The following MRPS23 variants were observed in gnomAD, a reference collection of about 807,000 sequenced individuals.
MRPS23 encodes the protein small ribosomal subunit protein mS23.
MRPS23 carries 14 observed loss-of-function variants against 19.8 expected under a neutral mutation model. The observed-to-expected ratio is 0.71, with a 90% CI of 0.47 to 1.11. The LOEUF (loss-of-function observed/expected upper bound fraction) is 1.11. MRPS23 is among the 50% of genes least tolerant of loss of function. The pLI, the probability that MRPS23 is intolerant of heterozygous loss-of-function variation, is 0.00. For missense variants in MRPS23, 242 were observed against 236.7 expected (o/e 1.02, Z -0.15); for synonymous variants, 113 against 89.7 (o/e 1.26, Z -1.47).
At chr17:57,845,694 A>T (rs1190836549) in intron 2 of MRPS23, among the ~76,000 whole-genome samples, 1 of 152,192 alleles carries the variant, frequency 6.6e-6, no homozygotes, top group African/African-American at 2.4e-5. Flanking sequence ...TCAGAAAACT[A>T]ATAAAATTCT....
At chr17:57,848,270 A>G (rs1299242500) in intron 2 of MRPS23, among the ~76,000 whole-genome samples, 1 of 152,126 alleles carries the variant, frequency 6.6e-6, no homozygotes, top group Non-Finnish European at 1.5e-5. Flanking sequence ...TTCTACAAGT[A>G]GCATGTGTTG....
At chr17:57,846,985 T>A (rs1317184423) in intron 2 of MRPS23, among the ~76,000 whole-genome samples, 1 of 149,968 alleles carries the variant, frequency 6.7e-6, no homozygotes, top group African/African-American at 2.4e-5. Flanking sequence ...AATAGAGAAC[T>A]TTAAAGATAT....
chr17:57,849,877 G>A (rs1642235526), intron 1 of MRPS23, 90 bp downstream of exon 1: 2 of 1,469,216 alleles, frequency 1.4e-6, no homozygotes, highest in African/African-American at 2.8e-5. Flanking sequence ...GCCTCGCCCT[G>A]CTCAGGTCCG....
intron 2 of MRPS23, among the ~76,000 whole-genome samples, chr17:57,846,363 C>G (rs570967696): frequency 1.6e-3 from 239 of 152,146 alleles, no homozygotes; most frequent in Non-Finnish European, 2.5e-3. Flanking sequence ...CCGGCCGCCC[C>G]GTCTGGGAAG....
At chr17:57,848,440 TCTCGG>T (rs2073790435) in intron 2 of MRPS23, among the ~76,000 whole-genome samples, 1 of 151,726 alleles carries the variant, frequency 6.6e-6, no homozygotes, top group Admixed American at 6.6e-5. Flanking sequence ...AGTGGTGGGA[TCTCGG>T]CTCACTGCAA....
rs922078514 is a variant in MRPS23, at chr17:57,838,908, T to C, written c.*875A>G. 6.6e-6 allele frequency: 1 copy of C among 152,230 alleles called. No homozygotes were observed. Among genetic ancestry groups the C allele is most frequent in the African/African-American group, 2.4e-5 (1 of 41,462 alleles). 9.4% of individuals were successfully genotyped at this position (152,230 alleles called of 1,614,324 possible). Reference sequence around the variant, plus strand: ...GCTAAAAACCACTGGCTTGACCACATATACAAAGGCTGCAATCTCAGAGGG... The same window carrying C: ...GCTAAAAACCACTGGCTTGACCACACATACAAAGGCTGCAATCTCAGAGGG... On this transcript the variant is annotated 3_prime_UTR_variant, in exon 5 of 5. Coordinates refer to ENST00000313608, the MANE Select transcript of MRPS23 (RefSeq NM_016070.4).
rs1157632022 is a variant in MRPS23, at chr17:57,838,839, T to A, written c.*944A>T. The stretch of plus-strand genomic sequence containing the variant: ...AGAATCACTGGGTAGAAAATCTACA[T>A]GAGTTTTAAAATAGGGAATTTCTGA... On this transcript the variant is annotated 3_prime_UTR_variant, in exon 5 of 5. Transcript: ENST00000313608. 6.6e-6 allele frequency: 1 copy of A among 152,264 alleles called. No individual in the cohort carries two copies. Among genetic ancestry groups the A allele is most frequent in the East Asian group, 1.9e-4 (1 of 5,202 alleles). 9.4% of individuals were successfully genotyped at this position (152,264 alleles called of 1,614,324 possible). A position where few individuals can be genotyped will look rare whatever the true frequency, so the allele number is the denominator to read the frequency against.
rs2073720753 is a variant in MRPS23 at position 57,838,446 on chromosome 17, G to A, written c.*1337C>T. 1 of 151,860 alleles carries A rather than the reference G, an allele frequency of 6.6e-6. No homozygotes were observed. The highest frequency in any genetic ancestry group is 1.5e-5 in the Non-Finnish European group (1 of 67,976). 9.4% of individuals were successfully genotyped at this position (151,860 alleles called of 1,614,324 possible). On this transcript the variant is annotated 3_prime_UTR_variant, in exon 5 of 5. Transcript: ENST00000313608. ...AAAAAAACCTGCCCTTAAAAAACCA[G>A]AAACCTAAGGTTTAAAGAGATGAGT...
rs1010567772 is a variant in MRPS23 at position 57,835,620 on chromosome 17, G to A, written c.*4163C>T. The A allele has an allele frequency of 4.6e-5, 7 of 152,296 alleles. No individual in the cohort carries two copies. The highest frequency in any genetic ancestry group is 7.3e-5 in the Non-Finnish European group (5 of 68,040). The allele number at this position is 152,296 out of a possible 1,614,324, so 9.4% of individuals were successfully genotyped here. ...GGCTTTTCCACTACTGCTCAAAATA[G>A]TAATAAAACCACCAGCCACACATTA... is the stretch of plus-strand genomic sequence containing the variant. On this transcript the variant is annotated 3_prime_UTR_variant, in exon 5 of 5. Coordinates refer to ENST00000313608, the MANE Select transcript of MRPS23 (RefSeq NM_016070.4).
intron 2 of MRPS23, among the ~76,000 whole-genome samples, chr17:57,842,889 T>TACACACAC (rs1433791158): frequency 3.1e-4 from 31 of 98,432 alleles, no homozygotes; most frequent in African/African-American, 8.2e-4. Flanking sequence ...AATATATATA[T>TACACACAC]ATACACACAC....
Position 57,836,160 on chromosome 17 carries a change from G to C in MRPS23, c.*3623C>G, listed in dbSNP as rs1232110282. 6.6e-6 allele frequency: 1 copy of C among 151,940 alleles called. No individual in the cohort carries two copies. The allele number at this position is 151,940 out of a possible 1,614,324, so 9.4% of individuals were successfully genotyped here. ...AGTAGAGATGGGGTTTCATCATGTT[G>C]CCCAGGCTGGTCTCAAACTCCTGAC... On this transcript the variant is annotated 3_prime_UTR_variant, in exon 5 of 5. Transcript: ENST00000313608.
At position 57,837,938 on chromosome 17, in the gene MRPS23, T is replaced by C. The variant is rs1047500082; in HGVS notation, c.*1845A>G. ...AAGACTGCGGCAGGGTATGCACCACTGCACCCAGCCTGGGTAACACAGTGA... is the reference window on the plus strand; with the variant it reads ...AAGACTGCGGCAGGGTATGCACCACCGCACCCAGCCTGGGTAACACAGTGA... On this transcript the variant is annotated 3_prime_UTR_variant, in exon 5 of 5. Transcript: ENST00000313608. 1 of 151,284 alleles carries C rather than the reference T, an allele frequency of 6.6e-6. No individual in the cohort carries two copies. Among genetic ancestry groups the C allele is most frequent in the Non-Finnish European group, 1.5e-5 (1 of 67,950 alleles). The allele number at this position is 151,284 out of a possible 1,614,324, so 9.4% of individuals were successfully genotyped here.
At position 57,849,406 on chromosome 17, in the gene MRPS23, G is replaced by C. The variant is rs1181230077; in HGVS notation, c.49C>G (p.Arg17Gly). The C allele has an allele frequency of 2.5e-6, 4 of 1,613,512 alleles. No individual in the cohort carries two copies. The highest frequency in any genetic ancestry group is 2.2e-5 in the South Asian group (2 of 91,044). Residue 17 changes from arginine to glycine, a missense_variant, in exon 2 of 5, where the codon CGG becomes GGG. Arg to Gly is a moderately radical substitution (Grantham distance 125, BLOSUM62 -2). Transcript: ENST00000313608. ...ETVGSIFSRT[R>G]DLVRAGVLKE... Reference sequence around the variant, plus strand: ...AGCACCCCGGCCCGAACCAGGTCCCGAGTCCTTAGGGAGGGAACAGAACGA... The same window carrying C: ...AGCACCCCGGCCCGAACCAGGTCCCCAGTCCTTAGGGAGGGAACAGAACGA...
In MRPS23 at chr17:57,839,740, G is replaced by C. The variant is rs758638822; in HGVS notation, c.*43C>G. 42 of 1,552,404 alleles carry C rather than the reference G, an allele frequency of 2.7e-5. No homozygotes were observed. The highest frequency in any genetic ancestry group is 3.4e-5 in the Non-Finnish European group (39 of 1,130,734). ...TTAAAAATAGCTCAACATTCAGCCA[G>C]TGAGTAGAGTGTGAATGCCAGCATA... is the stretch of plus-strand genomic sequence containing the variant. On this transcript the variant is annotated 3_prime_UTR_variant, in exon 5 of 5. Coordinates refer to ENST00000313608, the MANE Select transcript of MRPS23 (RefSeq NM_016070.4).
At chr17:57,847,662 G>GAA (rs55921717) in intron 2 of MRPS23, among the ~76,000 whole-genome samples, 54 of 127,822 alleles carry the variant, frequency 4.2e-4, no homozygotes, top group East Asian at 7.0e-4. Flanking sequence ...ACTCCATCTC[G>GAA]AAAAAAAAAA....
In MRPS23 at chr17:57,837,167, T is replaced by C. The variant is rs2073710863; in HGVS notation, c.*2616A>G. The stretch of plus-strand genomic sequence containing the variant: ...AAAGAAGTCAATGAGTGACAGCAGC[T>C]TTCTCCCCATCCAGATATTTGCTAT... On this transcript the variant is annotated 3_prime_UTR_variant, in exon 5 of 5. Transcript: ENST00000313608. The C allele has an allele frequency of 6.6e-6, 1 of 152,226 alleles. No homozygotes were observed. Among genetic ancestry groups the C allele is most frequent in the Non-Finnish European group, 1.5e-5 (1 of 68,048 alleles). 9.4% of individuals were successfully genotyped at this position (152,226 alleles called of 1,614,324 possible). A position where few individuals can be genotyped will look rare whatever the true frequency, so the allele number is the denominator to read the frequency against.
At chr17:57,846,558 T>C (rs1396039172) in intron 2 of MRPS23, among the ~76,000 whole-genome samples, 1 of 152,236 alleles carries the variant, frequency 6.6e-6, no homozygotes, top group African/African-American at 2.4e-5. Flanking sequence ...GACTCCATTT[T>C]GTTCTGTACT....
chr17:57,841,509 C>T (rs2073739895), intron 2 of MRPS23, among the ~76,000 whole-genome samples: 1 of 152,244 alleles, frequency 6.6e-6, no homozygotes, highest in Admixed American at 6.5e-5. Flanking sequence ...CCCAGCCCCC[C>T]AGTTCCCTTC....
At chr17:57,849,550 G>A (rs2073798718) in intron 1 of MRPS23, 140 bp from the exon 2 acceptor site, 6 of 1,013,860 alleles carry the variant, frequency 5.9e-6, no homozygotes, top group African/African-American at 3.2e-5. Context: ...CCCACCTACA[G>A]AGAAGATCTG....
Sources: gnomAD v4.1 joint callset for allele counts (sites outside exome capture counted in the v4.1 genomes callset) on GRCh38, gnomAD v4.1.1 for gene constraint, MANE v1.5 for transcripts, NCBI Gene and HGNC (gene_info 2026-07-23, HGNC 2026-07-21) for gene names.